ITPRID1: variants seen among roughly 807,000 people sequenced by gnomAD.
The protein encoded by ITPRID1 is protein ITPRID1.
In ITPRID1, 96 loss-of-function variants were observed where a neutral mutation model predicts 95.4. The observed-to-expected ratio is 1.01, with a 90% CI of 0.85 to 1.19. The LOEUF (loss-of-function observed/expected upper bound fraction) is 1.19, where lower values mean the gene tolerates loss of function less well. Ranked by LOEUF, ITPRID1 falls within the 50% of genes most tolerant of loss-of-function variation. The pLI is 0.00. For synonymous variants in ITPRID1, 510 were observed against 453.6 expected (o/e 1.12, Z -1.58); for missense variants, 1,339 against 1,252.9 (o/e 1.07, Z -1.04).
At chr7:31,583,631 AAAAAC>A (rs1236227611) in intron 10 of ITPRID1, among the ~76,000 whole-genome samples, 4 of 152,182 alleles carry the variant, frequency 2.6e-5, no homozygotes, top group South Asian at 2.1e-4. Flanking sequence ...TCCATCTGAA[AAAAAC>A]AAAACAAAAC....
At chr7:31,579,015 A>C (rs544846750) in intron 9 of ITPRID1, among the ~76,000 whole-genome samples, 1 of 152,152 alleles carries the variant, frequency 6.6e-6, no homozygotes, top group African/African-American at 2.4e-5. Context: ...TGATTTTAGG[A>C]TGTTAGTGTG....
rs1050064925 is a variant in ITPRID1 at position 31,655,644 on chromosome 7, T to A, written c.*2815T>A. ...GCGCCTCTCGTCGCCTCCCACTGCA[T>A]CATCCCTTTTTGCCACATCCCCATC... On this transcript the variant is annotated 3_prime_UTR_variant, in exon 15 of 15. Transcript: ENST00000615280. The A allele has an allele frequency of 3.0e-6, 2 of 674,550 alleles. No homozygotes were observed. The highest frequency in any genetic ancestry group is 3.9e-5 in the African/African-American group (2 of 51,172). 41.8% of individuals were successfully genotyped at this position (674,550 alleles called of 1,614,324 possible).
At chr7:31,603,135 T>C (rs1479596907) in intron 10 of ITPRID1, among the ~76,000 whole-genome samples, 2 of 152,116 alleles carry the variant, frequency 1.3e-5, no homozygotes, top group African/African-American at 4.8e-5. Context: ...TTGGAGACGT[T>C]TGCCTTCTGG....
At chr7:31,628,614 C>A (rs1191001238) in intron 10 of ITPRID1, among the ~76,000 whole-genome samples, 4 of 152,012 alleles carry the variant, frequency 2.6e-5, no homozygotes, top group Non-Finnish European at 5.9e-5. Flanking sequence ...CCCGCCACCA[C>A]GCCCCGCTAA....
At chr7:31,598,408 T>TC (rs1786185411) in intron 10 of ITPRID1, among the ~76,000 whole-genome samples, 1 of 141,768 alleles carries the variant, frequency 7.1e-6, no homozygotes, top group African/African-American at 2.6e-5. Flanking sequence ...CTTTTTTTTT[T>TC]TTTTTTTTTT....
intron 10 of ITPRID1, among the ~76,000 whole-genome samples, chr7:31,640,945 G>A (rs1043790952): frequency 6.6e-6 from 1 of 152,080 alleles, no homozygotes; most frequent in African/African-American, 2.4e-5. Flanking sequence ...AGAGTGTGGA[G>A]TTTATAATGT....
At chr7:31,592,006 T>A (rs1785886755) in intron 10 of ITPRID1, among the ~76,000 whole-genome samples, 1 of 151,958 alleles carries the variant, frequency 6.6e-6, no homozygotes, top group African/African-American at 2.4e-5. Context: ...GAGAAAAAAA[T>A]TTCAAATATC....
intron 10 of ITPRID1, among the ~76,000 whole-genome samples, chr7:31,605,719 T>C (rs1259489495): frequency 6.6e-6 from 1 of 152,218 alleles, no homozygotes; most frequent in African/African-American, 2.4e-5. Flanking sequence ...TGGCCGTTCT[T>C]GCTTTGGAAA....
intron 1 of ITPRID1, among the ~76,000 whole-genome samples, chr7:31,532,179 CAT>C (rs1396481222): frequency 6.6e-6 from 1 of 151,906 alleles, no homozygotes; most frequent in Non-Finnish European, 1.5e-5. Flanking sequence ...TTTATTGTAT[CAT>C]AAACATTTTC....
chr7:31,561,123 C>G (rs2128139612), intron 5 of ITPRID1, among the ~76,000 whole-genome samples: 1 of 152,010 alleles, frequency 6.6e-6, no homozygotes, highest in East Asian at 1.9e-4. Flanking sequence ...AGAGCTATTT[C>G]AGAGGAAAGA....
intron 7 of ITPRID1, 112 bp from the exon 8 acceptor site, chr7:31,574,428 T>G (rs1583517456): frequency 1.1e-6 from 1 of 941,640 alleles, no homozygotes; most frequent in Non-Finnish European, 1.7e-6. Flanking sequence ...GTTTGTCTAT[T>G]TAGGATCCTC....
intron 10 of ITPRID1, among the ~76,000 whole-genome samples, chr7:31,584,051 C>A (rs1025021079): frequency 3.9e-5 from 6 of 152,134 alleles, no homozygotes; most frequent in African/African-American, 1.4e-4. Flanking sequence ...TCCTAAATAA[C>A]AGAGAAGGAA....
intron 10 of ITPRID1, among the ~76,000 whole-genome samples, chr7:31,619,840 T>A (rs1261672937): frequency 4.6e-5 from 7 of 152,016 alleles, no homozygotes; most frequent in African/African-American, 1.7e-4. Context: ...GGTCAGGGAG[T>A]TCCCTTTCCT....
intron 10 of ITPRID1, among the ~76,000 whole-genome samples, chr7:31,634,410 C>T (rs541317530): frequency 5.9e-5 from 9 of 152,266 alleles, no homozygotes; most frequent in African/African-American, 1.4e-4. Flanking sequence ...AAATATATTA[C>T]TGGATATTAT....
At chr7:31,514,623 T>C (rs1389374251) in intron 1 of ITPRID1, among the ~76,000 whole-genome samples, 1 of 152,220 alleles carries the variant, frequency 6.6e-6, no homozygotes, top group Non-Finnish European at 1.5e-5. Flanking sequence ...GCTCCATTTC[T>C]AGTTTTCAGC....
chr7:31,592,286 T>A (rs921154760), intron 10 of ITPRID1, among the ~76,000 whole-genome samples: 1 of 152,218 alleles, frequency 6.6e-6, no homozygotes, highest in Admixed American at 6.6e-5. Context: ...AACTGCCAAC[T>A]ATGTAACTTT....
chr7:31,584,777 C>T (rs1030660830), intron 10 of ITPRID1, among the ~76,000 whole-genome samples: 2 of 152,214 alleles, frequency 1.3e-5, no homozygotes, highest in Non-Finnish European at 1.5e-5. Context: ...TATATGATAA[C>T]TGTGTGTGTA....
At chr7:31,610,885 T>C (rs1224820283) in intron 10 of ITPRID1, among the ~76,000 whole-genome samples, 1 of 151,564 alleles carries the variant, frequency 6.6e-6, no homozygotes, top group Non-Finnish European at 1.5e-5. Context: ...CCGCATGTAG[T>C]TAGATTATGT....
chr7:31,621,216 A>G (rs1222696656), intron 10 of ITPRID1, among the ~76,000 whole-genome samples: 1 of 152,094 alleles, frequency 6.6e-6, no homozygotes, highest in Admixed American at 6.6e-5. Flanking sequence ...TCCCCAATCT[A>G]GCAAGGCAGG....
Sources: allele counts gnomAD v4.1 joint callset (sites outside exome capture counted in the v4.1 genomes callset), GRCh38; gene constraint gnomAD v4.1.1; transcripts MANE v1.5; gene names NCBI Gene and HGNC (gene_info 2026-07-23, HGNC 2026-07-21).